The following ANO5 variants were observed in gnomAD, a reference collection of about 807,000 sequenced individuals.
ANO5 encodes anoctamin-5.
Under a neutral mutation model 121.0 loss-of-function variants are expected in ANO5, and 109 were observed. The ratio of observed to expected loss-of-function variants is 0.90; its 90% confidence interval spans 0.77 to 1.06. The LOEUF (loss-of-function observed/expected upper bound fraction) is 1.06, where lower values mean the gene tolerates loss of function less well. Ranked by LOEUF, ANO5 falls within the 50% of genes least tolerant of loss-of-function variation. The pLI, the probability that ANO5 is intolerant of heterozygous loss-of-function variation, is 0.00. For synonymous variants in ANO5, 406 were observed against 359.9 expected, an observed-to-expected ratio of 1.13 and a Z score of -1.45; for missense variants, 1,064 against 1,078.5, an observed-to-expected ratio of 0.99 and a Z score of 0.19.
At chr11:22,195,469 C>T (rs1030275872) in intron 1 of ANO5, among the ~76,000 whole-genome samples, 3 of 151,940 alleles carry the variant, frequency 2.0e-5, no homozygotes, top group Admixed American at 1.3e-4. Context: ...GGCTCTATTG[C>T]CCAGGCTGTA....
intron 5 of ANO5, among the ~76,000 whole-genome samples, chr11:22,223,904 A>G (rs1035095395): frequency 5.9e-5 from 9 of 151,680 alleles, no homozygotes; most frequent in Admixed American, 5.3e-4. Flanking sequence ...TCAATTATAT[A>G]TTAAACCTAT....
At chr11:22,277,666 T>C (rs559426910) in intron 21 of ANO5, 4 of 151,752 alleles carry the variant, frequency 2.6e-5, no homozygotes, top group African/African-American at 9.6e-5. Context: ...AATTTATCAG[T>C]CTTTCATTCC....
At chr11:22,255,736 A>C (rs1853981609) in intron 13 of ANO5, among the ~76,000 whole-genome samples, 1 of 152,138 alleles carries the variant, frequency 6.6e-6, no homozygotes, top group African/African-American at 2.4e-5. Context: ...TCAAATGTAG[A>C]TAGAAAAATA....
chr11:22,192,534 G>C (rs572910366), upstream of ANO5, among the ~76,000 whole-genome samples: 1 of 152,310 alleles, frequency 6.6e-6, no homozygotes, highest in Non-Finnish European at 1.5e-5. Context: ...CTCGGGCCAT[G>C]AGCCGGCCTT....
chr11:22,251,162 A>T, intron 12 of ANO5, 151 bp downstream of exon 12: 1 of 804,308 alleles, frequency 1.2e-6, no homozygotes, highest in Middle Eastern at 3.5e-4. Flanking sequence ...GATGGAGTGC[A>T]TATTAGTGGC....
intron 17 of ANO5, among the ~76,000 whole-genome samples, chr11:22,267,912 C>T (rs544371630): frequency 1.3e-5 from 2 of 152,278 alleles, no homozygotes; most frequent in South Asian, 4.2e-4. Flanking sequence ...CCTCCAGCTC[C>T]ATCCATGTTC....
chr11:22,278,695 A>ATT (rs1447682388), intron 21 of ANO5, among the ~76,000 whole-genome samples: 1 of 151,458 alleles, frequency 6.6e-6, no homozygotes, highest in Non-Finnish European at 1.5e-5. Context: ...GTGAGCTGAT[A>ATT]TTTTCACTGG....
chr11:22,229,965 C>A lies in ANO5; in HGVS notation c.648+2379C>A, dbSNP rs534000824. Among the ~76,000 whole-genome samples the A allele has an allele frequency of 1.7e-3, 263 of 152,060 alleles. 6 individuals are homozygous for A. The highest frequency in any genetic ancestry group is 6.2e-3 in the African/African-American group (258 of 41,538). ...AGCATCTTACATTAATATAGAATTT[C>A]ATACTTTTCAAAGCATTTCACAACA... is the stretch of plus-strand genomic sequence containing the variant. On this transcript the variant is annotated intron_variant, in intron 7 of 21. Transcript: ENST00000324559.
chr11:22,248,831 ATGT>A (rs1188886606), intron 9 of ANO5, among the ~76,000 whole-genome samples: 13 of 152,124 alleles, frequency 8.5e-5, no homozygotes, highest in African/African-American at 3.1e-4. Context: ...TATAGCAATA[ATGT>A]TGATATTATA....
chr11:22,222,569 G>A (rs1400103931), intron 5 of ANO5, among the ~76,000 whole-genome samples: 3 of 151,600 alleles, frequency 2.0e-5, no homozygotes, highest in South Asian at 2.1e-4. Flanking sequence ...AGATGCAATC[G>A]TCTTACTGCT....
chr11:22,270,557 T>C (rs1854572338), intron 18 of ANO5, 115 bp downstream of exon 18: 6 of 1,490,972 alleles, frequency 4.0e-6, no homozygotes, highest in Non-Finnish European at 4.6e-6. Flanking sequence ...CTTTGACTGG[T>C]TGGCAAAAAA....
At chr11:22,193,632 G>T (rs958986737) in intron 1 of ANO5, 100 bp downstream of exon 1, 11 of 1,440,966 alleles carry the variant, frequency 7.6e-6, no homozygotes, top group Non-Finnish European at 9.5e-6. Flanking sequence ...CGGCCCTGCG[G>T]CCTGAGTCCT....
intron 1 of ANO5, among the ~76,000 whole-genome samples, chr11:22,198,152 T>A (rs1376731141): frequency 6.6e-6 from 1 of 152,158 alleles, no homozygotes; most frequent in Non-Finnish European, 1.5e-5. Context: ...TCCCGATGTT[T>A]CACAAAAGGA....
intron 3 of ANO5, among the ~76,000 whole-genome samples, chr11:22,216,816 T>A (rs1456074163): frequency 6.6e-6 from 1 of 151,928 alleles, no homozygotes; most frequent in Non-Finnish European, 1.5e-5. Flanking sequence ...AGTTTTAGTT[T>A]TTATGTTTAG....
intron 7 of ANO5, among the ~76,000 whole-genome samples, chr11:22,228,537 T>C: frequency 6.6e-6 from 1 of 152,000 alleles, no homozygotes; most frequent in Non-Finnish European, 1.5e-5. Context: ...TTTGATACTT[T>C]ATTGTTAATG....
At chr11:22,238,800 G>C (rs531198418) in intron 8 of ANO5, among the ~76,000 whole-genome samples, 2 of 152,024 alleles carry the variant, frequency 1.3e-5, no homozygotes, top group Non-Finnish European at 2.9e-5. Flanking sequence ...GTGCAGGTTA[G>C]TTACATATGT....
At chr11:22,197,195 C>A (rs920725199) in intron 1 of ANO5, among the ~76,000 whole-genome samples, 9 of 152,132 alleles carry the variant, frequency 5.9e-5, no homozygotes, top group Non-Finnish European at 1.3e-4. Flanking sequence ...ACTTTTTTCA[C>A]AATTAAACAC....
chr11:22,221,162 TGTGCTTTCCTAC>T lies in ANO5; in HGVS notation c.249_260del (p.Leu84_Val87del). On this transcript the variant is annotated inframe_deletion, in exon 5 of 22. Transcript: ENST00000324559. The stretch of plus-strand genomic sequence containing the variant: ...GAGATGGGATTAGGCAAATTGATTT[TGTGCTTTCCTAC>T]GTTGATGATGTAAAGAAAGACGCAG... 6.2e-7 allele frequency: 1 copy of T among 1,612,076 alleles called. No homozygotes were observed. Among genetic ancestry groups the T allele is most frequent in the Non-Finnish European group, 8.5e-7 (1 of 1,178,730 alleles).
chr11:22,195,379 T>C (rs895560196), intron 1 of ANO5, among the ~76,000 whole-genome samples: 18 of 152,196 alleles, frequency 1.2e-4, no homozygotes, highest in African/African-American at 4.3e-4. Context: ...CTGAGTGTTA[T>C]CATTCTATGT....
Sources: allele counts gnomAD v4.1 joint callset (sites outside exome capture counted in the v4.1 genomes callset), GRCh38; gene constraint gnomAD v4.1.1; transcripts MANE v1.5; gene names NCBI Gene and HGNC (gene_info 2026-07-23, HGNC 2026-07-21).